PVT1: variants seen among roughly 807,000 people sequenced by gnomAD.
PVT1 encodes CXCR4/PVT1 fusion.
chr8:127,987,189 G>T (rs550895704), intron 3 of PVT1, among the ~76,000 whole-genome samples: 1 of 152,344 alleles, frequency 6.6e-6, no homozygotes, highest in South Asian at 2.1e-4. Flanking sequence ...AGGCGCTGTT[G>T]TTATAATTAG....
intron 2 of PVT1, among the ~76,000 whole-genome samples, chr8:127,818,745 C>T (rs751056949): frequency 1.9e-4 from 29 of 152,310 alleles, no homozygotes; most frequent in Non-Finnish European, 3.4e-4. Context: ...TCCACGTCCT[C>T]ATCTATAAAA....
intron 2 of PVT1, among the ~76,000 whole-genome samples, chr8:127,837,090 C>A (rs948069250): frequency 6.6e-6 from 1 of 152,184 alleles, no homozygotes; most frequent in Admixed American, 6.5e-5. Context: ...GAAGTGGCAG[C>A]GCTCTTTGGA....
intron 3 of PVT1, among the ~76,000 whole-genome samples, chr8:127,916,206 G>A (rs904471949): frequency 1.3e-5 from 2 of 152,174 alleles, no homozygotes; most frequent in Admixed American, 6.5e-5. Flanking sequence ...GGTTTTGTGA[G>A]GATTAAACAC....
intron 3 of PVT1, among the ~76,000 whole-genome samples, chr8:127,929,309 G>A (rs1816172307): frequency 6.6e-6 from 1 of 151,340 alleles, no homozygotes; most frequent in South Asian, 2.1e-4. Flanking sequence ...CAGACTGCTA[G>A]AACCCTCCCT....
intron 4 of PVT1, chr8:128,048,744 G>T: frequency 6.4e-6 from 1 of 156,450 alleles, no homozygotes; most frequent in Non-Finnish European, 1.4e-5. Flanking sequence ...TCTTGAGGTT[G>T]TAGTGAGGAT....
intron 2 of PVT1, among the ~76,000 whole-genome samples, chr8:127,809,868 TA>T (rs1296438191): frequency 6.6e-6 from 1 of 152,204 alleles, no homozygotes; most frequent in Non-Finnish European, 1.5e-5. Context: ...TCTTCGCACT[TA>T]GAGATTTTGA....
At position 127,984,919 on chromosome 8, in the gene PVT1, TTCTCTTTCTC is replaced by T. The variant is rs1173960073; in HGVS notation, n.783-4241_783-4232del. On this transcript the variant is annotated intron_variant and non_coding_transcript_variant, in intron 3 of 10. Transcript: ENST00000651587. The stretch of plus-strand genomic sequence containing the variant: ...TTTCTTTCTTTCTTTCTTTCTTTCT[TTCTCTTTCTC>T]TTTCTTTCTTTCTTTCCCCTTCCTT... Among the ~76,000 whole-genome samples, 66 of 121,478 alleles carry T rather than the reference TTCTCTTTCTC, an allele frequency of 5.4e-4. 2 individuals are homozygous for T. Among genetic ancestry groups the T allele is most frequent in the Non-Finnish European group, 8.8e-4 (53 of 60,560 alleles). 79.7% of individuals were successfully genotyped at this position (121,478 alleles called of 152,430 possible).
intron 3 of PVT1, among the ~76,000 whole-genome samples, chr8:127,955,652 G>C (rs983885353): frequency 1.3e-5 from 2 of 149,672 alleles, no homozygotes; most frequent in Admixed American, 6.7e-5. Context: ...GTGCAATCTC[G>C]GCCCACTACA....
intron 3 of PVT1, chr8:127,947,516 G>A (rs1186945629): frequency 5.6e-6 from 2 of 359,862 alleles, no homozygotes; most frequent in African/African-American, 2.1e-5. Context: ...CACTGAGCCT[G>A]TAGGGATTTA....
At chr8:127,884,290 T>TGC (rs1206486925) in intron 2 of PVT1, among the ~76,000 whole-genome samples, 4 of 152,268 alleles carry the variant, frequency 2.6e-5, no homozygotes, top group Admixed American at 6.5e-5. Flanking sequence ...TTGTGGGATA[T>TGC]ATTCATGTGG....
intron 4 of PVT1, among the ~76,000 whole-genome samples, chr8:128,031,891 G>A (rs1030866905): frequency 6.6e-6 from 1 of 152,096 alleles, no homozygotes; most frequent in Non-Finnish European, 1.5e-5. Flanking sequence ...TGAAACACTG[G>A]TCCACCTTGC....
chr8:127,805,091 C>T (rs562069124), intron 2 of PVT1, among the ~76,000 whole-genome samples: 10 of 151,520 alleles, frequency 6.6e-5, no homozygotes, highest in Middle Eastern at 3.4e-3. Context: ...CCACCACGCC[C>T]GGCTAATTTT....
chr8:127,949,859 A>G (rs983775935), intron 3 of PVT1, among the ~76,000 whole-genome samples: 1 of 152,198 alleles, frequency 6.6e-6, no homozygotes, highest in Admixed American at 6.5e-5. Flanking sequence ...ATCACCCTGA[A>G]TGGGGGCCAG....
intron 3 of PVT1, among the ~76,000 whole-genome samples, chr8:127,906,091 G>A (rs1815816344): frequency 6.6e-6 from 1 of 152,226 alleles, no homozygotes; most frequent in Non-Finnish European, 1.5e-5. Context: ...TTAGGAACTT[G>A]CAGATGGTCA....
At chr8:128,075,103 G>A (rs1195293256) in intron 5 of PVT1, among the ~76,000 whole-genome samples, 1 of 152,152 alleles carries the variant, frequency 6.6e-6, no homozygotes, top group Non-Finnish European at 1.5e-5. Flanking sequence ...TTACAAAGAT[G>A]TGTCCTTTTG....
chr8:127,834,484 C>T (rs1814887085), intron 2 of PVT1, among the ~76,000 whole-genome samples: 1 of 152,132 alleles, frequency 6.6e-6, no homozygotes, highest in African/African-American at 2.4e-5. Flanking sequence ...AAAACCTAGG[C>T]AACACCATTC....
intron 3 of PVT1, among the ~76,000 whole-genome samples, chr8:127,919,616 G>A (rs960696518): frequency 1.3e-5 from 2 of 152,204 alleles, no homozygotes; most frequent in Non-Finnish European, 2.9e-5. Flanking sequence ...TGGAAAGGAC[G>A]CTGGACTGAG....
At chr8:127,805,230 G>A (rs576837326) in intron 2 of PVT1, among the ~76,000 whole-genome samples, 4 of 151,798 alleles carry the variant, frequency 2.6e-5, no homozygotes, top group Admixed American at 6.6e-5. Flanking sequence ...GTGCCCAGCC[G>A]TCCATGTCAT....
rs1225327697 is a variant in PVT1 at position 127,832,453 on chromosome 8, A to G, written n.372+36382A>G. Among the ~76,000 whole-genome samples the G allele has an allele frequency of 5.9e-5, 9 of 152,210 alleles. No homozygotes were observed. In the East Asian group the frequency reaches 1.7e-3, roughly 29 times the overall value. On this transcript the variant is annotated intron_variant and non_coding_transcript_variant, in intron 2 of 10. Coordinates refer to ENST00000651587, the Ensembl canonical transcript of PVT1. The stretch of plus-strand genomic sequence containing the variant: ...AACAGGCATTTTTACTGTAGTACTT[A>G]ATGTCATGCCTGGTTCAGCAAGTGG...
Sources: gnomAD v4.1 joint callset for allele counts (sites outside exome capture counted in the v4.1 genomes callset) on GRCh38, gnomAD v4.1.1 for gene constraint, MANE v1.5 for transcripts, NCBI Gene and HGNC (gene_info 2026-07-23, HGNC 2026-07-21) for gene names.